The following TTC34 variants were observed in gnomAD, a reference collection of about 807,000 sequenced individuals.
TTC34 encodes the protein tetratricopeptide repeat domain 34.
Under a neutral mutation model 40.7 loss-of-function variants are expected in TTC34, and 44 were observed. The observed-to-expected ratio is 1.08, with a 90% CI of 0.85 to 1.39. The LOEUF (loss-of-function observed/expected upper bound fraction) is 1.39, where lower values mean the gene tolerates loss of function less well. Ranked by LOEUF, TTC34 falls within the 40% of genes most tolerant of loss-of-function variation. The pLI is 0.00. For synonymous variants in TTC34, 422 were observed against 398.6 expected (o/e 1.06, Z -0.70); for missense variants, 884 against 838.0 (o/e 1.05, Z -0.68).
chr1:2,681,918 A>T (rs1428146270), intron 6 of TTC34, among the ~76,000 whole-genome samples: 1 of 115,264 alleles, frequency 8.7e-6, no homozygotes, highest in African/African-American at 3.4e-5. Context: ...CCAGGTGCGC[A>T]TGTGACAGCC....
Position 2,787,465 on chromosome 1 carries a change from C to T in TTC34, c.1854+16G>A, listed in dbSNP as rs1643605123. ...CCATTTCCACCTGCCCTCTGTCACCCCCCAGGCCTCCTCACCTGGTTGGCG... is the reference window on the plus strand; with the variant it reads ...CCATTTCCACCTGCCCTCTGTCACCTCCCAGGCCTCCTCACCTGGTTGGCG... On this transcript the variant is annotated intron_variant, in intron 4 of 8. Transcript: ENST00000401095. 2 of 1,465,534 alleles carry T rather than the reference C, an allele frequency of 1.4e-6. No individual in the cohort carries two copies. Among genetic ancestry groups the T allele is most frequent in the Non-Finnish European group, 1.8e-6 (2 of 1,101,958 alleles). 90.8% of individuals were successfully genotyped at this position (1,465,534 alleles called of 1,614,324 possible). A position where few individuals can be genotyped will look rare whatever the true frequency, so the allele number is the denominator to read the frequency against.
chr1:2,643,236 G>A (rs1348482352), intron 8 of TTC34, among the ~76,000 whole-genome samples: 1 of 152,244 alleles, frequency 6.6e-6, no homozygotes, highest in Non-Finnish European at 1.5e-5. Context: ...CTGCCGAGGG[G>A]CGGGGCGCAG....
chr1:2,639,446 G>A (rs1325355814), exon 9 of TTC34: 1 of 152,448 alleles, frequency 6.6e-6, no homozygotes, highest in Admixed American at 6.5e-5. Context: ...CCTCCACCTG[G>A]CCCCGACATT....
chr1:2,699,561 G>C (rs917975985), intron 6 of TTC34, among the ~76,000 whole-genome samples: 1 of 76,106 alleles, frequency 1.3e-5, no homozygotes, highest in Admixed American at 1.5e-4. Flanking sequence ...ACAGCCTGGA[G>C]CAGCACCCAC....
rs908713175 is a variant in TTC34 at position 2,783,746 on chromosome 1, G to A, written c.2089C>T (p.Arg697Ter). ...CCCAGGAACCCATAGCAGCGGGCTCGGGCAAGGAGGGACTCACTTGCCTGG... is the reference window on the plus strand; with the variant it reads ...CCCAGGAACCCATAGCAGCGGGCTCAGGCAAGGAGGGACTCACTTGCCTGG... The change falls in exon 6 of 9, where the codon CGA becomes TGA. Residue 697 changes from arginine (R) to a stop codon, truncating the protein, a stop_gained. Transcript: ENST00000401095. LOFTEE classifies it high-confidence loss of function. 66 of 1,532,528 alleles carry A rather than the reference G, an allele frequency of 4.3e-5. No homozygotes were observed. The highest frequency in any genetic ancestry group is 1.5e-4 in the African/African-American group (11 of 72,490). The allele number at this position is 1,532,528 out of a possible 1,614,324, so 94.9% of individuals were successfully genotyped here.
At chr1:2,641,336 C>G (rs1309261342) in exon 9 of TTC34, 11 of 1,459,118 alleles carry the variant, frequency 7.5e-6, no homozygotes, top group Admixed American at 7.3e-5. Flanking sequence ...AGGGTGGCCC[C>G]GTGATTAGGG....
At chr1:2,792,033 T>TTTTTTTTTTTTTTTTTTTTTA (rs1553171534) in intron 2 of TTC34, among the ~76,000 whole-genome samples, 5 of 107,164 alleles carry the variant, frequency 4.7e-5, no homozygotes, top group East Asian at 2.9e-4. Flanking sequence ...TTTTTTTTTT[T>TTTTTTTTTTTTTTTTTTTTTA]AAAGACAGGG....
At chr1:2,647,965 T>C (rs1294666190) in intron 6 of TTC34, among the ~76,000 whole-genome samples, 1 of 152,128 alleles carries the variant, frequency 6.6e-6, no homozygotes, top group Non-Finnish European at 1.5e-5. Flanking sequence ...ATTCCAGATA[T>C]GCTGCGTTTC....
At chr1:2,646,123 C>T (rs191650257) in intron 6 of TTC34, among the ~76,000 whole-genome samples, 37 of 152,316 alleles carry the variant, frequency 2.4e-4, no homozygotes, top group African/African-American at 7.9e-4. Flanking sequence ...CACAATACCG[C>T]GCCTGGCCCT....
At chr1:2,787,456 T>C in intron 4 of TTC34, 25 bp downstream of exon 4, 1 of 1,449,658 alleles carries the variant, frequency 6.9e-7, no homozygotes. Context: ...CCACCTGCCC[T>C]CTGTCACCCC....
chr1:2,690,702 C>A (rs1257163390), intron 6 of TTC34, among the ~76,000 whole-genome samples: 1 of 91,612 alleles, frequency 1.1e-5, no homozygotes, highest in Non-Finnish European at 2.6e-5. Context: ...ACCCCACATC[C>A]CCGGGTGAGC....
Position 2,752,785 on chromosome 1 carries a change from C to G in TTC34, c.2226+30824G>C, listed in dbSNP as rs1269137830. On this transcript the variant is annotated intron_variant, in intron 6 of 8. Transcript: ENST00000401095. ...AACAGCACCCATACGCCCAGATAAG[C>G]ATGTGACAGCCTGGAACAGCTCCCT... Among the ~76,000 whole-genome samples, 79 of 120,560 alleles carry G rather than the reference C, an allele frequency of 6.6e-4. 12 individuals are homozygous for G. Among genetic ancestry groups the G allele is most frequent in the African/African-American group, 2.2e-3 (64 of 29,394 alleles). 79.1% of individuals were successfully genotyped at this position (120,560 alleles called of 152,430 possible).
intron 3 of TTC34, 113 bp from the exon 4 acceptor site, chr1:2,787,819 C>T: frequency 1.1e-6 from 1 of 882,456 alleles, no homozygotes; most frequent in African/African-American, 1.7e-5. Flanking sequence ...GGGCAGCTCC[C>T]TCCGGAGGGA....
At chr1:2,648,587 C>T (rs1266060956) in intron 6 of TTC34, among the ~76,000 whole-genome samples, 2 of 151,688 alleles carry the variant, frequency 1.3e-5, no homozygotes, top group Non-Finnish European at 2.9e-5. Context: ...GCACCCACAT[C>T]CCCAGGTGAG....
intron 6 of TTC34, among the ~76,000 whole-genome samples, chr1:2,751,345 C>A (rs1439711196): frequency 8.3e-6 from 1 of 120,938 alleles, no homozygotes; most frequent in Non-Finnish European, 1.9e-5. Flanking sequence ...GAGCATCTGA[C>A]AGCCTGGGTC....
At position 2,751,677 on chromosome 1, in the gene TTC34, A is replaced by G. The variant is rs1641325150; in HGVS notation, c.2226+31932T>C. ...AGTTGAGCATTGGACAGCCTGGATC[A>G]GCACCCACAACCCCAAGCGAGCATC... is the stretch of plus-strand genomic sequence containing the variant. On this transcript the variant is annotated intron_variant, in intron 6 of 8. Transcript: ENST00000401095. Among the ~76,000 whole-genome samples, 2 of 147,716 alleles carry G rather than the reference A, an allele frequency of 1.4e-5. 1 individual carries two copies. The highest frequency in any genetic ancestry group is 1.3e-4 in the Admixed American group (2 of 14,848).
intron 6 of TTC34, among the ~76,000 whole-genome samples, chr1:2,653,546 ACGGC>A (rs1209197003): frequency 2.0e-5 from 3 of 151,378 alleles, no homozygotes; most frequent in South Asian, 4.2e-4. Context: ...TGAGTATCTG[ACGGC>A]CAGGAATAGC....
chr1:2,790,146 A>G (rs1427083996), exon 3 of TTC34: 1 of 398,122 alleles, frequency 2.5e-6, no homozygotes, highest in African/African-American at 2.1e-5. Flanking sequence ...AAGCGGGCGA[A>G]GCCCACGTCC....
At chr1:2,652,454 A>T (rs796524862) in intron 6 of TTC34, among the ~76,000 whole-genome samples, 302 of 118,762 alleles carry the variant, frequency 2.5e-3, no homozygotes, top group Middle Eastern at 4.7e-3. Context: ...CCCCCAGGTG[A>T]GCATCCGACA....
Sources: gnomAD v4.1 joint callset for allele counts (sites outside exome capture counted in the v4.1 genomes callset) on GRCh38, gnomAD v4.1.1 for gene constraint, MANE v1.5 for transcripts, NCBI Gene and HGNC (gene_info 2026-07-23, HGNC 2026-07-21) for gene names.